The following KCNQ1 variants were observed in gnomAD, a reference collection of about 807,000 sequenced individuals.
KCNQ1 encodes potassium voltage-gated channel subfamily KQT member 1.
In KCNQ1, 49 loss-of-function variants were observed where a neutral mutation model predicts 72.4. The ratio of observed to expected loss-of-function variants is 0.68; its 90% confidence interval spans 0.54 to 0.86. The LOEUF (loss-of-function observed/expected upper bound fraction) is 0.86, where lower values mean the gene tolerates loss of function less well. Among genes scored for constraint, KCNQ1 ranks in the 40% least tolerant of loss-of-function variants. The probability of loss-of-function intolerance (pLI) is 0.00; values close to 1 mark genes in which losing one functional copy is unlikely to be tolerated. For synonymous variants in KCNQ1, 450 were observed against 412.6 expected (o/e 1.09, Z -1.10); for missense variants, 790 against 945.1 (o/e 0.84, Z 2.15).
Position 2,698,080 on chromosome 11 carries a change from G to T in KCNQ1, c.1514+35999G>T. The stretch of plus-strand genomic sequence containing the variant: ...ATCCTGCCTGCCTGCTTTCCTTCAA[G>T]TACTGACTGAGTAAGGCTGTGTATC... On this transcript the variant is annotated intron_variant, in intron 11 of 15. Coordinates refer to ENST00000155840, the MANE Select transcript of KCNQ1 (RefSeq NM_000218.3). The surrounding 1 kb of genome is among the most constrained non-coding windows in gnomAD (Gnocchi z 5.1). 1 of 398,630 alleles carries T rather than the reference G, an allele frequency of 2.5e-6. No individual in the cohort carries two copies. The highest frequency in any genetic ancestry group is 4.4e-6 in the Non-Finnish European group (1 of 226,068). 24.7% of individuals were successfully genotyped at this position (398,630 alleles called of 1,614,324 possible).
chr11:2,466,316 G>T (rs1440438730), intron 1 of KCNQ1, among the ~76,000 whole-genome samples: 1 of 152,124 alleles, frequency 6.6e-6, no homozygotes, highest in Non-Finnish European at 1.5e-5. Context: ...TTGCTGGGGG[G>T]AGAAGTCCTG....
chr11:2,756,758 C>T lies in KCNQ1; in HGVS notation c.1515-12086C>T, dbSNP rs541778342. 2.6e-4 allele frequency among the ~76,000 whole-genome samples: 40 copies of T among 151,864 alleles called. No individual in the cohort carries two copies. The South Asian group carries it at 6.0e-3, about 23-fold the overall frequency. On this transcript the variant is annotated intron_variant, in intron 11 of 15. Transcript: ENST00000155840. Reference sequence around the variant, plus strand: ...TGAGCCACCACACCTGGCCGTCTAGCGTTTATTTTGAATAACGAGTCCTTG... The same window carrying T: ...TGAGCCACCACACCTGGCCGTCTAGTGTTTATTTTGAATAACGAGTCCTTG...
At position 2,613,161 on chromosome 11, in the gene KCNQ1, G is replaced by A; in HGVS notation, c.1393+24307G>A. The A allele has an allele frequency of 2.5e-6, 1 of 398,404 alleles. No individual in the cohort carries two copies. Among genetic ancestry groups the A allele is most frequent in the East Asian group, 3.6e-5 (1 of 28,068 alleles). 24.7% of individuals were successfully genotyped at this position (398,404 alleles called of 1,614,324 possible). A position where few individuals can be genotyped will look rare whatever the true frequency, so the allele number is the denominator to read the frequency against. ...GCTGAGGGGATCTATGTGTGGGTTG[G>A]GACATTCAAAGTTCAGGCACTTTAT... On this transcript the variant is annotated intron_variant, in intron 10 of 15. Transcript: ENST00000155840. This position sits in a 1 kb window ranked among gnomAD's most constrained non-coding sequence, Gnocchi z 4.8.
At position 2,624,597 on chromosome 11, in the gene KCNQ1, A is replaced by G; in HGVS notation, c.1393+35743A>G. On this transcript the variant is annotated intron_variant, in intron 10 of 15. Transcript: ENST00000155840. The surrounding 1 kb of genome is among the most constrained non-coding windows in gnomAD (Gnocchi z 4.9). ...GCAAAATACACTTAACATAAAAATT[A>G]CCATCCTAACCAATTTTAGTGTACA... 2.5e-6 allele frequency: 1 copy of G among 398,572 alleles called. No individual in the cohort carries two copies. The highest frequency in any genetic ancestry group is 4.4e-6 in the Non-Finnish European group (1 of 226,048). 24.7% of individuals were successfully genotyped at this position (398,572 alleles called of 1,614,324 possible).
intron 15 of KCNQ1, among the ~76,000 whole-genome samples, chr11:2,846,326 C>T (rs1046002430): frequency 6.6e-6 from 1 of 152,184 alleles, no homozygotes; most frequent in African/African-American, 2.4e-5. Context: ...GCTGTTCAGC[C>T]CTTATCGCGT....
rs1287024027 is a variant in KCNQ1, at chr11:2,820,581, T to TGTTC, written c.1795-27183_1795-27182insCGTT. Reference sequence around the variant, plus strand: ...TTACCTTGCTGTTTGTTTGTTTGTTTGTTTGTTTGTTAGTTTCACCCACTG... The same window carrying TGTTC: ...TTACCTTGCTGTTTGTTTGTTTGTTTGTTCGTTTGTTTGTTAGTTTCACCCACTG... On this transcript the variant is annotated intron_variant, in intron 15 of 15. Transcript: ENST00000155840. Among the ~76,000 whole-genome samples the TGTTC allele has an allele frequency of 1.2e-4, 18 of 152,234 alleles. No homozygotes were observed. The East Asian group carries it at 2.1e-3, about 18-fold the overall frequency.
chr11:2,543,388 C>T lies in KCNQ1; in HGVS notation c.477+15370C>T, dbSNP rs146921190. 1.2e-3 allele frequency among the ~76,000 whole-genome samples: 185 copies of T among 152,248 alleles called. No homozygotes were observed. The highest frequency in any genetic ancestry group is 4.4e-3 in the African/African-American group (181 of 41,534). On this transcript the variant is annotated intron_variant, in intron 2 of 15. Transcript: ENST00000155840. This position sits in a 1 kb window ranked among gnomAD's most constrained non-coding sequence, Gnocchi z 5.6. ...TCCTGGGCTCCGAGGATCCTCCCAC[C>T]TCAGCCTCCCAAGTAGCTGGGACTA... is the stretch of plus-strand genomic sequence containing the variant.
intron 15 of KCNQ1, among the ~76,000 whole-genome samples, chr11:2,810,376 C>G (rs975206148): frequency 6.6e-6 from 1 of 152,230 alleles, no homozygotes; most frequent in African/African-American, 2.4e-5. Flanking sequence ...TCTCTGTTCT[C>G]TCTTTCTGAA....
At position 2,785,533 on chromosome 11, in the gene KCNQ1, T is replaced by A. The variant is rs1483861275; in HGVS notation, c.1794+7496T>A. Reference sequence around the variant, plus strand: ...TCAGATTTTTAAATCCTTTTCTTTTTAATCCTACAACCGTAGGATTTCAGG... The same window carrying A: ...TCAGATTTTTAAATCCTTTTCTTTTAAATCCTACAACCGTAGGATTTCAGG... On this transcript the variant is annotated intron_variant, in intron 15 of 15. Transcript: ENST00000155840. The surrounding 1 kb of genome is among the most constrained non-coding windows in gnomAD (Gnocchi z 4.4). 6.6e-6 allele frequency among the ~76,000 whole-genome samples: 1 copy of A among 151,916 alleles called. No individual in the cohort carries two copies. The highest frequency in any genetic ancestry group is 2.4e-5 in the African/African-American group (1 of 41,452).
Position 2,450,412 on chromosome 11 carries a change from G to A in KCNQ1, c.386+4928G>A, listed in dbSNP as rs1280057514. On this transcript the variant is annotated intron_variant, in intron 1 of 15. Coordinates refer to ENST00000155840, the MANE Select transcript of KCNQ1 (RefSeq NM_000218.3). The surrounding 1 kb of genome is among the most constrained non-coding windows in gnomAD (Gnocchi z 7.9). ...AAGCCCAACATCTGCTGCTGGAGGG[G>A]AGAATGAGGCAATGAATATCACCAT... is the stretch of plus-strand genomic sequence containing the variant. 6.6e-6 allele frequency among the ~76,000 whole-genome samples: 1 copy of A among 152,170 alleles called. No individual in the cohort carries two copies. The highest frequency in any genetic ancestry group is 1.5e-5 in the Non-Finnish European group (1 of 68,022).
Position 2,603,108 on chromosome 11 carries a change from A to G in KCNQ1, c.1393+14254A>G, listed in dbSNP as rs1848830498. On this transcript the variant is annotated intron_variant, in intron 10 of 15. Transcript: ENST00000155840. The surrounding 1 kb of genome is among the most constrained non-coding windows in gnomAD (Gnocchi z 4.1). Reference sequence around the variant, plus strand: ...ATGGTTTTTAGTATAGGCATACCTCAGAGATATTGTGGTTCGGTTCCAGTA... The same window carrying G: ...ATGGTTTTTAGTATAGGCATACCTCGGAGATATTGTGGTTCGGTTCCAGTA... Among the ~76,000 whole-genome samples the G allele has an allele frequency of 6.6e-6, 1 of 152,238 alleles. No individual in the cohort carries two copies. Among genetic ancestry groups the G allele is most frequent in the African/African-American group, 2.4e-5 (1 of 41,460 alleles).
At chr11:2,502,670 A>C (rs953035203) in intron 1 of KCNQ1, among the ~76,000 whole-genome samples, 2 of 152,220 alleles carry the variant, frequency 1.3e-5, no homozygotes, top group South Asian at 2.1e-4. Context: ...TTCTTCACAG[A>C]AATAGTAAAA....
chr11:2,839,081 C>G (rs961963350), intron 15 of KCNQ1, among the ~76,000 whole-genome samples: 2 of 152,320 alleles, frequency 1.3e-5, no homozygotes, highest in East Asian at 3.9e-4. Flanking sequence ...CCCTGCCTGG[C>G]GTCTGCCGGC....
Position 2,627,227 on chromosome 11 carries a change from TA to T in KCNQ1, c.1394-34732del, listed in dbSNP as rs1199095708. On this transcript the variant is annotated intron_variant, in intron 10 of 15. Transcript: ENST00000155840. The surrounding 1 kb of genome is among the most constrained non-coding windows in gnomAD (Gnocchi z 4.9). ...TTGACAAATTAAAAGTGCATATATT[TA>T]AGAACATATTTGACCTACTGTGAAA... The T allele has an allele frequency of 2.5e-5, 10 of 398,442 alleles. No homozygotes were observed. In the Admixed American group the frequency reaches 4.4e-4, roughly 18 times the overall value. The allele number at this position is 398,442 out of a possible 1,614,324, so 24.7% of individuals were successfully genotyped here. A position where few individuals can be genotyped will look rare whatever the true frequency, so the allele number is the denominator to read the frequency against.
rs889929528 is a variant in KCNQ1 at position 2,687,418 on chromosome 11, G to T, written c.1514+25337G>T. 3 of 398,526 alleles carry T rather than the reference G, an allele frequency of 7.5e-6. No homozygotes were observed. The highest frequency in any genetic ancestry group is 6.2e-5 in the African/African-American group (3 of 48,614). The allele number at this position is 398,526 out of a possible 1,614,324, so 24.7% of individuals were successfully genotyped here. ...GGATCTGGGAGGTCAGTAGGCACCTGTGTCCACCCAGCTGTCCATACAGAT... is the reference window on the plus strand; with the variant it reads ...GGATCTGGGAGGTCAGTAGGCACCTTTGTCCACCCAGCTGTCCATACAGAT... On this transcript the variant is annotated intron_variant, in intron 11 of 15. Transcript: ENST00000155840. This position sits in a 1 kb window ranked among gnomAD's most constrained non-coding sequence, Gnocchi z 5.0.
At chr11:2,656,235 G>C in intron 10 of KCNQ1, 1 of 398,598 alleles carries the variant, frequency 2.5e-6, no homozygotes, top group East Asian at 3.6e-5. Context: ...TCTGTCACTT[G>C]ACAACTGCAT....
rs1847910547 is a variant in KCNQ1, at chr11:2,547,028, G to A, written c.477+19010G>A. On this transcript the variant is annotated intron_variant, in intron 2 of 15. Transcript: ENST00000155840. This position sits in a 1 kb window ranked among gnomAD's most constrained non-coding sequence, Gnocchi z 4.2. ...TTTTTCATATGAAGCATATAGTTGA[G>A]TCTTATTTTGTGAGTCAAACTATTT... is the stretch of plus-strand genomic sequence containing the variant. Among the ~76,000 whole-genome samples the A allele has an allele frequency of 6.6e-6, 1 of 152,172 alleles. No homozygotes were observed. The highest frequency in any genetic ancestry group is 2.1e-4 in the South Asian group (1 of 4,836).
rs908000037 is a variant in KCNQ1, at chr11:2,563,767, C to T, written c.478-6861C>T. The stretch of plus-strand genomic sequence containing the variant: ...ATTTTACAGCTTGCCTGTGTTTTTC[C>T]ACCCAGGGCCCTTTGCACTGCCTGC... On this transcript the variant is annotated intron_variant, in intron 2 of 15. Coordinates refer to ENST00000155840, the MANE Select transcript of KCNQ1 (RefSeq NM_000218.3). This position sits in a 1 kb window ranked among gnomAD's most constrained non-coding sequence, Gnocchi z 7.4. Among the ~76,000 whole-genome samples, 6 of 152,212 alleles carry T rather than the reference C, an allele frequency of 3.9e-5. No homozygotes were observed. The highest frequency in any genetic ancestry group is 7.3e-5 in the Non-Finnish European group (5 of 68,044).
intron 2 of KCNQ1, among the ~76,000 whole-genome samples, chr11:2,529,602 T>C (rs1231741060): frequency 6.6e-6 from 1 of 152,238 alleles, no homozygotes. Context: ...TAGTCTATCA[T>C]GTTTTCCAGG....
Sources: allele counts gnomAD v4.1 joint callset (sites outside exome capture counted in the v4.1 genomes callset), GRCh38; gene constraint gnomAD v4.1.1; non-coding constraint Gnocchi (gnomAD v3.1); transcripts MANE v1.5; gene names NCBI Gene and HGNC (gene_info 2026-07-23, HGNC 2026-07-21).